Variants in ARHGEF28 observed in about 807,000 individuals in gnomAD.
ARHGEF28 encodes the protein Rho guanine nucleotide exchange factor 28.
ARHGEF28 carries 152 observed loss-of-function variants against 206.6 expected under a neutral mutation model. That is an observed-to-expected ratio of 0.74 (90% CI 0.64 to 0.84). ARHGEF28 has a LOEUF of 0.84. Ranked by LOEUF, ARHGEF28 falls within the 40% of genes least tolerant of loss-of-function variation. The pLI, the probability that ARHGEF28 is intolerant of heterozygous loss-of-function variation, is 0.00. For synonymous variants in ARHGEF28, 763 were observed against 776.4 expected (o/e 0.98, Z 0.29); for missense variants, 2,028 against 2,073.2 (o/e 0.98, Z 0.42).
intron 2 of ARHGEF28, among the ~76,000 whole-genome samples, chr5:73,746,814 A>G (rs1169649900): frequency 1.3e-5 from 2 of 152,072 alleles, no homozygotes; most frequent in African/African-American, 2.4e-5. Context: ...GTCTGTCTCT[A>G]TGCTACCATT....
chr5:73,825,079 A>G (rs1418602210), intron 9 of ARHGEF28, among the ~76,000 whole-genome samples: 2 of 152,166 alleles, frequency 1.3e-5, no homozygotes, highest in Non-Finnish European at 2.9e-5. Flanking sequence ...GTATGGTTCT[A>G]GGTACTGGGG....
At chr5:73,700,081 A>G (rs1206044024) in intron 2 of ARHGEF28, among the ~76,000 whole-genome samples, 1 of 152,244 alleles carries the variant, frequency 6.6e-6, no homozygotes, top group Non-Finnish European at 1.5e-5. Flanking sequence ...AAAGTTACAT[A>G]TAAAATACTG....
At chr5:73,867,308 A>G (rs1759767798) in intron 18 of ARHGEF28, among the ~76,000 whole-genome samples, 1 of 152,220 alleles carries the variant, frequency 6.6e-6, no homozygotes, top group Non-Finnish European at 1.5e-5. Context: ...ATCTGTGCCC[A>G]GAATATTTTA....
At chr5:73,922,048 T>A (rs1355558482) in intron 35 of ARHGEF28, among the ~76,000 whole-genome samples, 1 of 152,222 alleles carries the variant, frequency 6.6e-6, no homozygotes, top group Non-Finnish European at 1.5e-5. Context: ...AAACCCCAGA[T>A]GAAAAGGTGA....
chr5:73,933,180 A>C (rs1764230921), intron 35 of ARHGEF28, among the ~76,000 whole-genome samples: 1 of 151,896 alleles, frequency 6.6e-6, no homozygotes, highest in South Asian at 2.1e-4. Flanking sequence ...GGAGAATAGA[A>C]ATCCAAATTC....
intron 9 of ARHGEF28, among the ~76,000 whole-genome samples, chr5:73,825,748 G>C (rs991770888): frequency 6.6e-6 from 1 of 152,132 alleles, no homozygotes; most frequent in South Asian, 2.1e-4. Flanking sequence ...AACAGTCAAG[G>C]GTGACTCCAA....
At chr5:73,686,758 G>A (rs865944546) in intron 2 of ARHGEF28, among the ~76,000 whole-genome samples, 21 of 151,848 alleles carry the variant, frequency 1.4e-4, no homozygotes, top group Non-Finnish European at 1.9e-4. Context: ...TCCTGACCTC[G>A]TGATCTGCCT....
At chr5:73,878,460 T>C (rs1421397544) in intron 22 of ARHGEF28, among the ~76,000 whole-genome samples, 2 of 152,200 alleles carry the variant, frequency 1.3e-5, no homozygotes, top group Admixed American at 6.5e-5. Flanking sequence ...AATTTGATCC[T>C]GTCATTATGA....
chr5:73,669,366 T>C (rs533186892), intron 1 of ARHGEF28, among the ~76,000 whole-genome samples: 70 of 152,202 alleles, frequency 4.6e-4, no homozygotes, highest in Non-Finnish European at 8.7e-4. Context: ...TAATTGAAAT[T>C]TTAATTGATG....
intron 4 of ARHGEF28, among the ~76,000 whole-genome samples, chr5:73,772,391 T>G (rs1219461152): frequency 6.6e-6 from 1 of 152,164 alleles, no homozygotes; most frequent in Non-Finnish European, 1.5e-5. Flanking sequence ...TGAGGGTCTT[T>G]TTTTTGAGAC....
intron 5 of ARHGEF28, among the ~76,000 whole-genome samples, chr5:73,775,529 T>G (rs891155018): frequency 6.6e-6 from 1 of 152,208 alleles, no homozygotes; most frequent in Non-Finnish European, 1.5e-5. Context: ...TTTAAGGATC[T>G]CTTTTTGTCA....
Position 73,811,343 on chromosome 5 carries a change from T to C in ARHGEF28, c.1024+15952T>C, listed in dbSNP as rs538531367. On this transcript the variant is annotated intron_variant, in intron 9 of 35. Transcript: ENST00000513042. The stretch of plus-strand genomic sequence containing the variant: ...TGTTGTGCTAAATAAAATACAAATA[T>C]ATATTTTAAACACTTTATAATAGTT... Among the ~76,000 whole-genome samples, 228 of 152,328 alleles carry C rather than the reference T, an allele frequency of 1.5e-3. 3 individuals are homozygous for C. The highest frequency in any genetic ancestry group is 4.1e-3 in the African/African-American group (169 of 41,562).
intron 24 of ARHGEF28, 119 bp from the exon 25 acceptor site, chr5:73,885,730 AT>A: frequency 3.6e-6 from 4 of 1,100,630 alleles, no homozygotes; most frequent in Non-Finnish European, 4.9e-6. Flanking sequence ...TTCTTATGGG[AT>A]TTTTATTGTT....
intron 4 of ARHGEF28, among the ~76,000 whole-genome samples, chr5:73,757,175 C>T (rs184237961): frequency 1.0e-3 from 152 of 152,106 alleles, no homozygotes; most frequent in Non-Finnish European, 1.9e-3. Flanking sequence ...TGTTGCTTGT[C>T]TTCAGGTAGA....
intron 9 of ARHGEF28, among the ~76,000 whole-genome samples, chr5:73,814,528 G>C (rs1407182167): frequency 4.6e-5 from 7 of 152,064 alleles, no homozygotes; most frequent in Admixed American, 1.3e-4. Flanking sequence ...AAATAAGATA[G>C]TGTGTAATCC....
chr5:73,793,303 T>C (rs1168222072), intron 7 of ARHGEF28, among the ~76,000 whole-genome samples: 1 of 152,254 alleles, frequency 6.6e-6, no homozygotes, highest in Admixed American at 6.5e-5. Flanking sequence ...TAATTTGTCA[T>C]CTTTATTATG....
intron 7 of ARHGEF28, among the ~76,000 whole-genome samples, chr5:73,788,189 A>G (rs1650180694): frequency 6.6e-6 from 1 of 152,230 alleles, no homozygotes; most frequent in Non-Finnish European, 1.5e-5. Flanking sequence ...ACTTGAAAAT[A>G]TAGCTAAAGG....
intron 4 of ARHGEF28, among the ~76,000 whole-genome samples, chr5:73,754,885 T>A (rs554073400): frequency 1.2e-3 from 169 of 135,260 alleles, no homozygotes; most frequent in African/African-American, 4.8e-3. Flanking sequence ...TTTTTATTTT[T>A]ATTTTATTTA....
intron 31 of ARHGEF28, chr5:73,903,075 G>A (rs900082491): frequency 5.3e-5 from 8 of 152,256 alleles, no homozygotes; most frequent in African/African-American, 1.9e-4. Context: ...TCTATCAGAG[G>A]GGCTGCTTAC....
Sources: allele counts gnomAD v4.1 joint callset (sites outside exome capture counted in the v4.1 genomes callset), GRCh38; gene constraint gnomAD v4.1.1; transcripts MANE v1.5; gene names NCBI Gene and HGNC (gene_info 2026-07-23, HGNC 2026-07-21).